Variants in NELL1 observed in about 807,000 individuals in gnomAD.
NELL1 encodes the protein protein kinase C-binding protein NELL1.
NELL1 carries 76 observed loss-of-function variants against 107.4 expected under a neutral mutation model. That is an observed-to-expected ratio of 0.71 (90% CI 0.59 to 0.86). NELL1 has a LOEUF of 0.86. Ranked by LOEUF, NELL1 falls within the 40% of genes least tolerant of loss-of-function variation. The pLI, the probability that NELL1 is intolerant of heterozygous loss-of-function variation, is 0.00. For missense variants in NELL1, 1,024 were observed against 1,005.5 expected, an observed-to-expected ratio of 1.02 and a Z score of -0.25; for synonymous variants, 353 against 341.2, an observed-to-expected ratio of 1.03 and a Z score of -0.38.
chr11:21,473,578 A>G (rs903381451), intron 15 of NELL1, among the ~76,000 whole-genome samples: 3 of 152,090 alleles, frequency 2.0e-5, no homozygotes, highest in African/African-American at 4.8e-5. Flanking sequence ...GAAGGAAGGG[A>G]TACTTCAAAT....
At chr11:20,799,425 C>A (rs1053754539) in intron 3 of NELL1, among the ~76,000 whole-genome samples, 4 of 152,298 alleles carry the variant, frequency 2.6e-5, no homozygotes, top group Middle Eastern at 6.8e-3. Flanking sequence ...GTCTACCCAT[C>A]CATCCATAGT....
At chr11:20,702,529 A>G (rs970917257) in intron 2 of NELL1, among the ~76,000 whole-genome samples, 1 of 152,124 alleles carries the variant, frequency 6.6e-6, no homozygotes, top group African/African-American at 2.4e-5. Flanking sequence ...TGCCCTGGCC[A>G]GAACTTCCAA....
intron 2 of NELL1, among the ~76,000 whole-genome samples, chr11:20,775,109 G>GT (rs1220836447): frequency 3.3e-5 from 5 of 151,896 alleles, no homozygotes; most frequent in Non-Finnish European, 5.9e-5. Flanking sequence ...AAACATTGTA[G>GT]TTTTTTTTCT....
chr11:21,566,456 T>G (rs1247544975), intron 17 of NELL1, among the ~76,000 whole-genome samples: 1 of 139,408 alleles, frequency 7.2e-6, no homozygotes, highest in African/African-American at 3.4e-5. Context: ...AAAAATGTAT[T>G]TTTTTTACCA....
intron 3 of NELL1, among the ~76,000 whole-genome samples, chr11:20,800,131 C>T (rs566426387): frequency 2.6e-4 from 39 of 152,266 alleles, no homozygotes; most frequent in African/African-American, 9.1e-4. Flanking sequence ...AGGTTGATTC[C>T]ATGTCTTTGC....
intron 12 of NELL1, among the ~76,000 whole-genome samples, chr11:21,099,481 A>G (rs1346051424): frequency 6.6e-6 from 1 of 152,160 alleles, no homozygotes; most frequent in Non-Finnish European, 1.5e-5. Flanking sequence ...ACGGGTGGCA[A>G]CACCAACTTG....
At chr11:21,431,157 T>C (rs1852955408) in intron 15 of NELL1, among the ~76,000 whole-genome samples, 2 of 152,114 alleles carry the variant, frequency 1.3e-5, no homozygotes, top group Admixed American at 1.3e-4. Flanking sequence ...TTGGCTGATT[T>C]ACTCACTTCC....
rs140386866 is a variant in NELL1 at position 21,131,392 on chromosome 11, G to A, written c.1426+17678G>A. Among the ~76,000 whole-genome samples the A allele has an allele frequency of 3.9e-3, 598 of 152,220 alleles. 5 individuals are homozygous for A. The highest frequency in any genetic ancestry group is 0.014 in the African/African-American group (577 of 41,512). On this transcript the variant is annotated intron_variant, in intron 13 of 19. Transcript: ENST00000357134. ...AATGCGGTAGAGAGGAAAGCATTTG[G>A]TATTGGGTATTAGAGAGACTATTTT...
intron 7 of NELL1, among the ~76,000 whole-genome samples, chr11:20,925,194 T>C (rs1402974310): frequency 6.6e-6 from 1 of 152,170 alleles, no homozygotes; most frequent in Non-Finnish European, 1.5e-5. Context: ...CTCAGCAGTG[T>C]ATTTTATCCG....
At chr11:21,072,838 A>G (rs769393621) in intron 12 of NELL1, among the ~76,000 whole-genome samples, 3 of 152,192 alleles carry the variant, frequency 2.0e-5, no homozygotes, top group Non-Finnish European at 4.4e-5. Context: ...TCTGTTGATT[A>G]TTCAGAATAT....
At chr11:21,170,467 A>G (rs933717097) in intron 13 of NELL1, among the ~76,000 whole-genome samples, 3 of 151,786 alleles carry the variant, frequency 2.0e-5, no homozygotes, top group African/African-American at 7.3e-5. Flanking sequence ...CCAGTTTTAT[A>G]CCACAATATA....
At chr11:20,850,287 A>G (rs1328279396) in intron 4 of NELL1, among the ~76,000 whole-genome samples, 3 of 152,156 alleles carry the variant, frequency 2.0e-5, no homozygotes, top group Non-Finnish European at 2.9e-5. Context: ...TCAGCTATCC[A>G]TTACTACTTT....
At chr11:21,498,880 C>G (rs1855060427) in intron 15 of NELL1, among the ~76,000 whole-genome samples, 1 of 151,900 alleles carries the variant, frequency 6.6e-6, no homozygotes, top group South Asian at 2.1e-4. Flanking sequence ...TTTGCCTTTC[C>G]CTAATTAGTA....
At chr11:21,405,773 A>G (rs1438967418) in intron 15 of NELL1, among the ~76,000 whole-genome samples, 1 of 151,894 alleles carries the variant, frequency 6.6e-6, no homozygotes, top group Admixed American at 6.6e-5. Flanking sequence ...TCCTCATCCT[A>G]CATTAATTCC....
chr11:21,555,339 C>T (rs879282571), intron 16 of NELL1, among the ~76,000 whole-genome samples: 1 of 151,780 alleles, frequency 6.6e-6, no homozygotes, highest in Non-Finnish European at 1.5e-5. Context: ...GATGATTTTG[C>T]AAACTAGTGG....
intron 15 of NELL1, among the ~76,000 whole-genome samples, chr11:21,518,657 T>C (rs755814007): frequency 6.6e-6 from 1 of 152,202 alleles, no homozygotes; most frequent in Non-Finnish European, 1.5e-5. Context: ...GTAGTCCCTT[T>C]GCTCCCTGGC....
intron 14 of NELL1, among the ~76,000 whole-genome samples, chr11:21,275,526 G>C (rs190150573): frequency 8.3e-4 from 127 of 152,320 alleles, no homozygotes; most frequent in African/African-American, 3.0e-3. Context: ...TAGAAAAAGA[G>C]GGAATCCTCC....
intron 15 of NELL1, among the ~76,000 whole-genome samples, chr11:21,405,658 T>G (rs1421259836): frequency 6.6e-6 from 1 of 152,014 alleles, no homozygotes; most frequent in Admixed American, 6.6e-5. Context: ...GTCTATATTC[T>G]TGGAACTAAT....
intron 12 of NELL1, among the ~76,000 whole-genome samples, chr11:21,069,943 C>T (rs1156447317): frequency 6.6e-6 from 1 of 152,166 alleles, no homozygotes; most frequent in Non-Finnish European, 1.5e-5. Context: ...AGTAAGTGCG[C>T]TATAAATCCT....
Sources: allele counts gnomAD v4.1 joint callset (sites outside exome capture counted in the v4.1 genomes callset), GRCh38; gene constraint gnomAD v4.1.1; transcripts MANE v1.5; gene names NCBI Gene and HGNC (gene_info 2026-07-23, HGNC 2026-07-21).